The following BBOX1 variants were observed in gnomAD, a reference collection of about 807,000 sequenced individuals.
BBOX1 encodes gamma-butyrobetaine dioxygenase.
In BBOX1, 35 loss-of-function variants were observed where a neutral mutation model predicts 41.6. That is an observed-to-expected ratio of 0.84 (90% CI 0.64 to 1.11). The LOEUF (loss-of-function observed/expected upper bound fraction) is 1.11, where lower values mean the gene tolerates loss of function less well. Ranked by LOEUF, BBOX1 falls within the 50% of genes most tolerant of loss-of-function variation. The pLI, the probability that BBOX1 is intolerant of heterozygous loss-of-function variation, is 0.00. For synonymous variants in BBOX1, 163 were observed against 154.7 expected (o/e 1.05, Z -0.40); for missense variants, 458 against 460.6 (o/e 0.99, Z 0.05).
At chr11:27,077,065 C>T (rs1170691803) in intron 4 of BBOX1, among the ~76,000 whole-genome samples, 1 of 152,142 alleles carries the variant, frequency 6.6e-6, no homozygotes, top group Non-Finnish European at 1.5e-5. Flanking sequence ...GGCAGCAGCA[C>T]ATTTCCCACC....
chr11:27,041,077 T>C (rs1851333992), intron 1 of BBOX1, 49 bp downstream of exon 1: 1 of 152,060 alleles, frequency 6.6e-6, no homozygotes, highest in Non-Finnish European at 1.5e-5. Flanking sequence ...ACTGAGGCAA[T>C]GCTTTGCATT....
chr11:27,050,352 A>G lies in BBOX1; in HGVS notation c.-38-5041A>G, dbSNP rs1046729653. 2.6e-5 allele frequency among the ~76,000 whole-genome samples: 4 copies of G among 152,230 alleles called. No individual in the cohort carries two copies. The South Asian group carries it at 8.3e-4, about 31-fold the overall frequency. The stretch of plus-strand genomic sequence containing the variant: ...CCACTCAGATTTTTTGTGGTTCCAT[A>G]CATATTTTAGAGTGCCTTTTAAAAT... On this transcript the variant is annotated intron_variant, in intron 2 of 8. Transcript: ENST00000263182.
chr11:27,104,479 G>T (rs934703419), intron 5 of BBOX1, among the ~76,000 whole-genome samples: 1 of 152,104 alleles, frequency 6.6e-6, no homozygotes, highest in African/African-American at 2.4e-5. Flanking sequence ...TGTATAGGGA[G>T]AATTCAGAGA....
chr11:27,111,497 C>A (rs1467343500), intron 5 of BBOX1, among the ~76,000 whole-genome samples: 2 of 151,908 alleles, frequency 1.3e-5, no homozygotes, highest in African/African-American at 4.8e-5. Context: ...AAATTAAAAG[C>A]TGAAATTATT....
chr11:27,102,862 T>C (rs72878465), intron 5 of BBOX1, among the ~76,000 whole-genome samples: 8,512 of 152,228 alleles, frequency 0.056, 352 homozygotes, highest in Non-Finnish European at 0.077. Flanking sequence ...ATGTCACTTA[T>C]AGTTTTACTG....
chr11:27,049,899 A>C (rs1223715461), intron 2 of BBOX1, among the ~76,000 whole-genome samples: 1 of 151,954 alleles, frequency 6.6e-6, no homozygotes, highest in Non-Finnish European at 1.5e-5. Context: ...TTGCCTGTTC[A>C]TTTGGGTTCA....
chr11:27,093,316 A>T lies in BBOX1; in HGVS notation c.483A>T (p.Glu161Asp). 1 of 1,612,556 alleles carries T rather than the reference A, an allele frequency of 6.2e-7. No homozygotes were observed. Reference sequence around the variant, plus strand: ...CCGGAGCATCTGACAAACCAGGAGAAGTTTCAAAACTTGGGAAAAGGATGG... The same window carrying T: ...CCGGAGCATCTGACAAACCAGGAGATGTTTCAAAACTTGGGAAAAGGATGG... ...RLTGASDKPG[E>D]VSKLGKRMGF... The change falls in exon 5 of 9, where the codon GAA becomes GAT. Residue 161 changes from glutamate (E) to aspartate (D), a missense_variant. By Grantham distance (45) the Glu-to-Asp change is conservative (BLOSUM62 2). Transcript: ENST00000263182.
In BBOX1 at chr11:27,115,489, A is replaced by G; in HGVS notation, c.571A>G (p.Asn191Asp). Residue 191 changes from asparagine (N) to aspartate (D), a missense_variant, in exon 6 of 9, where the codon AAT becomes GAT. By Grantham distance (23) the Asn-to-Asp change is conservative. Transcript: ENST00000263182. Reference protein sequence around the residue: ...WQVQDKIDANNVAYTTGKLSF... With the variant: ...WQVQDKIDANDVAYTTGKLSF... ...AGTGCAAGACAAAATCGATGCAAAC[A>G]ATGTGGCTTACACAACTGGGAAGCT... The G allele has an allele frequency of 6.2e-7, 1 of 1,611,208 alleles. No homozygotes were observed.
intron 7 of BBOX1, among the ~76,000 whole-genome samples, chr11:27,125,433 T>C (rs1469406810): frequency 6.6e-6 from 1 of 151,906 alleles, no homozygotes; most frequent in Non-Finnish European, 1.5e-5. Flanking sequence ...TAAGTTGAGT[T>C]CTCCTGGTAC....
chr11:27,125,921 T>C (rs1477941073), intron 8 of BBOX1, 101 bp downstream of exon 8: 17 of 1,245,778 alleles, frequency 1.4e-5, no homozygotes, highest in South Asian at 6.5e-5. Flanking sequence ...GTATGGCATG[T>C]AGAACACCAA....
chr11:27,093,045 C>A, intron 4 of BBOX1, 123 bp from the exon 5 acceptor site: 1 of 973,950 alleles, frequency 1.0e-6, no homozygotes, highest in Non-Finnish European at 1.5e-6. Context: ...ATATGAATAA[C>A]ATTTAATAAA....
chr11:27,080,609 C>A (rs932898888), intron 4 of BBOX1, among the ~76,000 whole-genome samples: 11 of 151,994 alleles, frequency 7.2e-5, no homozygotes, highest in African/African-American at 1.4e-4. Flanking sequence ...TACAAATATA[C>A]CTATAATACA....
intron 4 of BBOX1, among the ~76,000 whole-genome samples, chr11:27,084,578 C>T (rs1857967481): frequency 6.6e-6 from 1 of 152,096 alleles, no homozygotes; most frequent in South Asian, 2.1e-4. Flanking sequence ...AAGGTATTTA[C>T]AGGAAGAGAC....
intron 4 of BBOX1, among the ~76,000 whole-genome samples, chr11:27,084,133 A>G (rs753164666): frequency 2.0e-4 from 30 of 152,178 alleles, no homozygotes; most frequent in Non-Finnish European, 3.1e-4. Flanking sequence ...AAAAAGGGGT[A>G]GGCATGGGTA....
intron 4 of BBOX1, among the ~76,000 whole-genome samples, chr11:27,085,105 T>C (rs142228043): frequency 1.6e-4 from 25 of 152,242 alleles, no homozygotes; most frequent in African/African-American, 6.0e-4. Flanking sequence ...GATAAGAAAA[T>C]CCTTTTAAAT....
chr11:27,099,777 T>C (rs1457914325), intron 5 of BBOX1, among the ~76,000 whole-genome samples: 1 of 152,126 alleles, frequency 6.6e-6, no homozygotes, highest in Non-Finnish European at 1.5e-5. Context: ...CTTGCCTCAC[T>C]CTTTCTGCAG....
At chr11:27,095,378 G>GTT (rs3077755) in intron 5 of BBOX1, among the ~76,000 whole-genome samples, 44,121 of 151,618 alleles carry the variant, frequency 0.29, 8,940 homozygotes, top group African/African-American at 0.57. Flanking sequence ...TATTACGTGT[G>GTT]TTGTTTTGTT....
chr11:27,060,593 A>G (rs182685674), intron 4 of BBOX1, among the ~76,000 whole-genome samples: 18 of 151,994 alleles, frequency 1.2e-4, no homozygotes, highest in Admixed American at 6.5e-4. Flanking sequence ...ATTCTTAAAC[A>G]TGTGTGGTAA....
chr11:27,116,304 C>T (rs1400200340), intron 6 of BBOX1, among the ~76,000 whole-genome samples: 1 of 151,514 alleles, frequency 6.6e-6, no homozygotes, highest in Non-Finnish European at 1.5e-5. Context: ...AGGAACATCA[C>T]ACACTGGGGC....
Sources: gnomAD v4.1 joint callset for allele counts (sites outside exome capture counted in the v4.1 genomes callset) on GRCh38, gnomAD v4.1.1 for gene constraint, MANE v1.5 for transcripts, NCBI Gene and HGNC (gene_info 2026-07-23, HGNC 2026-07-21) for gene names.